The following SLC15A5 variants were observed in gnomAD, a reference collection of about 807,000 sequenced individuals.
SLC15A5 encodes Peptide/histidine transporter ENSP00000340402.
In SLC15A5, 58 loss-of-function variants were observed where a neutral mutation model predicts 56.1. The ratio of observed to expected loss-of-function variants is 1.03; its 90% confidence interval spans 0.84 to 1.29. The LOEUF is 1.29. Ranked by LOEUF, SLC15A5 falls within the 50% of genes most tolerant of loss-of-function variation. SLC15A5 has a pLI of 0.00. For synonymous variants in SLC15A5, 264 were observed against 250.5 expected (o/e 1.05, Z -0.51); for missense variants, 681 against 672.1 (o/e 1.01, Z -0.15).
chr12:16,202,962 T>C (rs901404482), intron 7 of SLC15A5, among the ~76,000 whole-genome samples: 3 of 151,552 alleles, frequency 2.0e-5, no homozygotes, highest in Non-Finnish European at 4.4e-5. Flanking sequence ...AAGGCTGAAG[T>C]GGGGAAGGGG....
intron 5 of SLC15A5, among the ~76,000 whole-genome samples, chr12:16,234,591 A>G (rs1317065691): frequency 6.6e-6 from 1 of 152,190 alleles, no homozygotes; most frequent in East Asian, 1.9e-4. Context: ...ATCTGTACTT[A>G]CAAGATAAAG....
chr12:16,188,523 A>G lies in SLC15A5; in HGVS notation c.*1145T>C, dbSNP rs575144127. 6.6e-6 allele frequency: 1 copy of G among 152,356 alleles called. No homozygotes were observed. Among genetic ancestry groups the G allele is most frequent in the East Asian group, 1.9e-4 (1 of 5,188 alleles). The allele number at this position is 152,356 out of a possible 1,614,324, so 9.4% of individuals were successfully genotyped here. On this transcript the variant is annotated 3_prime_UTR_variant, in exon 9 of 9. Coordinates refer to ENST00000344941, the MANE Select transcript of SLC15A5 (RefSeq NM_001170798.1). ...ATCTTTTATTCTACAGACCTAAAATATTTTATGTATACACAAGGGAGGTGC... is the reference window on the plus strand; with the variant it reads ...ATCTTTTATTCTACAGACCTAAAATGTTTTATGTATACACAAGGGAGGTGC...
chr12:16,265,160 G>C (rs1348791538), intron 2 of SLC15A5, among the ~76,000 whole-genome samples: 3 of 152,164 alleles, frequency 2.0e-5, no homozygotes, highest in African/African-American at 7.2e-5. Context: ...GATGCGGCAA[G>C]GTAGGGAGAA....
At chr12:16,262,751 G>A (rs993126285) in intron 2 of SLC15A5, among the ~76,000 whole-genome samples, 1 of 152,108 alleles carries the variant, frequency 6.6e-6, no homozygotes, top group Non-Finnish European at 1.5e-5. Context: ...TCATGGGGGC[G>A]GGTCTTTTCT....
At chr12:16,194,556 T>G in intron 7 of SLC15A5, 103 bp from the exon 8 acceptor site, 1 of 686,298 alleles carries the variant, frequency 1.5e-6, no homozygotes, top group Non-Finnish European at 2.2e-6. Context: ...TTCAGTAATA[T>G]CCACAAAGCA....
At chr12:16,211,088 A>G (rs1401371259) in intron 7 of SLC15A5, among the ~76,000 whole-genome samples, 1 of 152,160 alleles carries the variant, frequency 6.6e-6, no homozygotes, top group East Asian at 1.9e-4. Flanking sequence ...GCAGTAGGCC[A>G]CTTATTTTCC....
chr12:16,270,963 TA>T (rs1864748085), intron 2 of SLC15A5, among the ~76,000 whole-genome samples: 1 of 152,202 alleles, frequency 6.6e-6, no homozygotes, highest in South Asian at 2.1e-4. Flanking sequence ...CATTAAAAAA[TA>T]ACAGCCTGAT....
intron 3 of SLC15A5, 131 bp downstream of exon 3, chr12:16,257,570 A>G: frequency 1.5e-6 from 1 of 654,444 alleles, no homozygotes; most frequent in Non-Finnish European, 2.2e-6. Context: ...CCATTGCTTT[A>G]TCAAGGGTAA....
At chr12:16,261,887 C>T (rs1864646578) in intron 2 of SLC15A5, among the ~76,000 whole-genome samples, 2 of 152,208 alleles carry the variant, frequency 1.3e-5, no homozygotes, top group East Asian at 1.9e-4. Context: ...GGCTATAAGT[C>T]CTTTCTCAAT....
chr12:16,274,681 T>A (rs1318233404), intron 1 of SLC15A5, among the ~76,000 whole-genome samples: 1 of 152,064 alleles, frequency 6.6e-6, no homozygotes. Context: ...CACTTAGTCT[T>A]CTCTTCTGTA....
chr12:16,205,889 C>T (rs933996183), intron 7 of SLC15A5, among the ~76,000 whole-genome samples: 5 of 151,986 alleles, frequency 3.3e-5, no homozygotes, highest in African/African-American at 4.8e-5. Context: ...TTTGGAATCT[C>T]TTCAAAAGAT....
chr12:16,270,898 A>T (rs1038924642), intron 2 of SLC15A5, among the ~76,000 whole-genome samples: 2 of 152,340 alleles, frequency 1.3e-5, no homozygotes, highest in African/African-American at 2.4e-5. Flanking sequence ...AAATAAAAAA[A>T]GGCAAGACAA....
Position 16,205,580 on chromosome 12 carries a change from CATATAT to C in SLC15A5, c.1484-11133_1484-11128del, listed in dbSNP as rs754136034. On this transcript the variant is annotated intron_variant, in intron 7 of 8. Transcript: ENST00000344941. ...TATATTCCATAAGAAGGGAAAGGTG[CATATAT>C]ATATACATATACACACACACACACA... Among the ~76,000 whole-genome samples, 200 of 43,116 alleles carry C rather than the reference CATATAT, an allele frequency of 4.6e-3. 6 individuals carry two copies. Among genetic ancestry groups the C allele is most frequent in the African/African-American group, 0.024 (188 of 7,818 alleles). The allele number at this position is 43,116 out of a possible 152,430, so 28.3% of individuals were successfully genotyped here. A position where few individuals can be genotyped will look rare whatever the true frequency, so the allele number is the denominator to read the frequency against.
At chr12:16,212,780 A>G (rs957511532) in intron 7 of SLC15A5, among the ~76,000 whole-genome samples, 2 of 152,020 alleles carry the variant, frequency 1.3e-5, no homozygotes, top group Admixed American at 1.3e-4. Flanking sequence ...AAAGCAAGTA[A>G]AGAAGTAAAG....
In SLC15A5 at chr12:16,189,047, A is replaced by G. The variant is rs1179168068; in HGVS notation, c.*621T>C. 1 of 152,012 alleles carries G rather than the reference A, an allele frequency of 6.6e-6. No homozygotes were observed. The highest frequency in any genetic ancestry group is 2.4e-5 in the African/African-American group (1 of 41,374). 9.4% of individuals were successfully genotyped at this position (152,012 alleles called of 1,614,324 possible). ...TAATTCCAATAATTCCATAACTTAC[A>G]TTTATTTTTCAACTTTTTTAGTATG... is the stretch of plus-strand genomic sequence containing the variant. On this transcript the variant is annotated 3_prime_UTR_variant, in exon 9 of 9. Coordinates refer to ENST00000344941, the MANE Select transcript of SLC15A5 (RefSeq NM_001170798.1).
chr12:16,227,043 A>G (rs1864249310), intron 5 of SLC15A5, among the ~76,000 whole-genome samples: 1 of 152,180 alleles, frequency 6.6e-6, no homozygotes, highest in African/African-American at 2.4e-5. Context: ...ATTATATCTC[A>G]GAATTTAAAT....
chr12:16,216,744 T>A, intron 7 of SLC15A5, 149 bp downstream of exon 7: 3 of 651,502 alleles, frequency 4.6e-6, no homozygotes, highest in South Asian at 5.1e-5. Context: ...ACAGCAAGAG[T>A]GTATTTCCTA....
At chr12:16,236,573 A>AT (rs1323175252) in intron 5 of SLC15A5, among the ~76,000 whole-genome samples, 2 of 152,014 alleles carry the variant, frequency 1.3e-5, no homozygotes, top group Non-Finnish European at 2.9e-5. Context: ...AAGTAAGTTG[A>AT]TTTTTTCTTT....
At chr12:16,253,123 A>G (rs188360389) in intron 3 of SLC15A5, among the ~76,000 whole-genome samples, 1 of 152,248 alleles carries the variant, frequency 6.6e-6, no homozygotes, top group Admixed American at 6.5e-5. Context: ...GCTTTAGACC[A>G]TGTACAAAAA....
Sources: allele counts gnomAD v4.1 joint callset (sites outside exome capture counted in the v4.1 genomes callset), GRCh38; gene constraint gnomAD v4.1.1; transcripts MANE v1.5; gene names NCBI Gene and HGNC (gene_info 2026-07-23, HGNC 2026-07-21).